The following ASIC2 variants were observed in gnomAD, a reference collection of about 807,000 sequenced individuals.
ASIC2 encodes the protein acid-sensing ion channel 2.
A neutral mutation model predicts 57.3 loss-of-function variants in ASIC2; 25 were observed. That is an observed-to-expected ratio of 0.44 (90% CI 0.32 to 0.61). The LOEUF is 0.61. Ranked by LOEUF, ASIC2 falls within the 20% of genes least tolerant of loss-of-function variation. The pLI, the probability that ASIC2 is intolerant of heterozygous loss-of-function variation, is 0.06. For missense variants in ASIC2, 641 were observed against 738.1 expected (o/e 0.87, Z 1.52); for synonymous variants, 319 against 307.5 (o/e 1.04, Z -0.39).
rs1437197654 is a variant in ASIC2 at position 33,291,490 on chromosome 17, T to C, written c.626A>G (p.Asp209Gly). The C allele has an allele frequency of 1.2e-6, 2 of 1,612,562 alleles. No individual in the cohort carries two copies. Among genetic ancestry groups the C allele is most frequent in the Non-Finnish European group, 1.7e-6 (2 of 1,179,760 alleles). The stretch of plus-strand genomic sequence containing the variant: ...GTCCTCCAGCTGGTGGCCCAGGCGG[T>C]CCATGAAGGCGGCGCTGATTCCCTC... Reference protein sequence around the residue: ...HFEGISAAFMDRLGHQLEDML... With the variant: ...HFEGISAAFMGRLGHQLEDML... The change falls in exon 1 of 10, where the codon GAC (aspartate) becomes GGC (glycine). Residue 209 changes from aspartate to glycine, a missense_variant. Coordinates refer to ENST00000225823, the MANE Select transcript of ASIC2 (RefSeq NM_183377.2).
intron 1 of ASIC2, chr17:33,932,741 A>AAAAATATATATATATATATATAT (rs1555572867): frequency 5.1e-5 from 3 of 58,706 alleles, no homozygotes; most frequent in Admixed American, 2.5e-4. Context: ...AAAAAAAAAA[A>AAAAATATATATATATATATATAT]ATATATATAT....
rs1008108867 is a variant in ASIC2, at chr17:34,065,792, G to A, written c.555+90186C>T. Among the ~76,000 whole-genome samples the A allele has an allele frequency of 2.0e-5, 3 of 152,122 alleles. No homozygotes were observed. The East Asian group carries it at 5.8e-4, about 29-fold the overall frequency. On this transcript the variant is annotated intron_variant, in intron 1 of 9. Coordinates refer to the ASIC2 transcript ENST00000359872. ...TAAAAAGTCAAGCTTAAGGACAAGA[G>A]AAGAGTAATCAAAAGGGAGAATTAT...
intron 1 of ASIC2, among the ~76,000 whole-genome samples, chr17:33,905,369 A>C (rs1397661131): frequency 6.6e-6 from 1 of 152,074 alleles, no homozygotes; most frequent in Non-Finnish European, 1.5e-5. Flanking sequence ...GACTGATCCC[A>C]CATCTCACTG....
At chr17:34,034,789 G>A (rs1390867427) in intron 1 of ASIC2, among the ~76,000 whole-genome samples, 1 of 151,974 alleles carries the variant, frequency 6.6e-6, no homozygotes, top group Non-Finnish European at 1.5e-5. Flanking sequence ...AAAATACCTA[G>A]GAATCCAACT....
intron 1 of ASIC2, among the ~76,000 whole-genome samples, chr17:33,564,925 G>A (rs1011818759): frequency 1.3e-5 from 2 of 152,260 alleles, no homozygotes; most frequent in South Asian, 2.1e-4. Flanking sequence ...CCTTTAATTC[G>A]CCCATCCCTT....
intron 1 of ASIC2, among the ~76,000 whole-genome samples, chr17:33,795,974 C>A (rs916289054): frequency 6.6e-6 from 1 of 152,196 alleles, no homozygotes; most frequent in Non-Finnish European, 1.5e-5. Flanking sequence ...TGGGAGAATT[C>A]CAGTAGATTA....
chr17:33,835,066 T>C (rs80293131), intron 1 of ASIC2, among the ~76,000 whole-genome samples: 7,001 of 152,334 alleles, frequency 0.046, 242 homozygotes, highest in Middle Eastern at 0.14. Flanking sequence ...AGGTGTGATC[T>C]GCATTCTCAT....
At chr17:33,931,106 G>A (rs1350556270) in intron 1 of ASIC2, 1 of 152,082 alleles carries the variant, frequency 6.6e-6, no homozygotes, top group African/African-American at 2.4e-5. Context: ...ATGAGCCGCA[G>A]AAAAGAACCC....
At chr17:33,199,335 T>TA (rs1488019062) in intron 1 of ASIC2, among the ~76,000 whole-genome samples, 1 of 152,196 alleles carries the variant, frequency 6.6e-6, no homozygotes, top group East Asian at 1.9e-4. Context: ...TTAGCCAACT[T>TA]GTTTAATCAT....
At chr17:33,293,686 G>T (rs1905603789), upstream of ASIC2, among the ~76,000 whole-genome samples, 1 of 152,154 alleles carries the variant, frequency 6.6e-6, no homozygotes, top group South Asian at 2.1e-4. Flanking sequence ...CGTAGGATGT[G>T]CATTGTGTAT....
chr17:33,014,168 T>A, intron 9 of ASIC2, 102 bp from the exon 10 acceptor site: 2 of 871,264 alleles, frequency 2.3e-6, no homozygotes, highest in South Asian at 1.5e-5. Context: ...TGCTCCCCAC[T>A]TGTGGGCTGC....
chr17:33,309,589 A>G (rs1567818553), intron 1 of ASIC2, among the ~76,000 whole-genome samples: 1 of 151,034 alleles, frequency 6.6e-6, no homozygotes, highest in Non-Finnish European at 1.5e-5. Context: ...CTTCACCTCC[A>G]CCTCCACTGT....
rs555693151 is a variant in ASIC2, at chr17:33,292,446, A to G, written c.-331T>C. The G allele has an allele frequency of 4.1e-6, 4 of 985,334 alleles. No homozygotes were observed. In the South Asian group the frequency reaches 1.9e-4, roughly 46 times the overall value. The allele number at this position is 985,334 out of a possible 1,614,324, so 61.0% of individuals were successfully genotyped here. ...CTACTTCTGGAGGGGTCCCACTGGG[A>G]GCCGCCTCTCCAGTCCCTGGGTGCT... On this transcript the variant is annotated 5_prime_UTR_variant, in exon 1 of 10. Transcript: ENST00000225823.
At chr17:34,055,737 C>T (rs549406761) in intron 1 of ASIC2, among the ~76,000 whole-genome samples, 16 of 152,170 alleles carry the variant, frequency 1.1e-4, no homozygotes, top group East Asian at 3.9e-4. Flanking sequence ...ATTAGTATTC[C>T]GTTGTATAAA....
chr17:33,895,261 CA>C lies in ASIC2; in HGVS notation c.555+260716del, dbSNP rs553607267. On this transcript the variant is annotated intron_variant, in intron 1 of 9. Transcript: ENST00000359872. Reference sequence around the variant, plus strand: ...TACTGCAACCTCTGCCTCCTGGGTTCAAGCAATCCTCGTGTCTCAGCCTCCT... The same window carrying C: ...TACTGCAACCTCTGCCTCCTGGGTTCAGCAATCCTCGTGTCTCAGCCTCCT... Among the ~76,000 whole-genome samples the C allele has an allele frequency of 8.6e-5, 13 of 151,622 alleles. No individual in the cohort carries two copies. In the South Asian group the frequency reaches 2.7e-3, roughly 32 times the overall value.
intron 1 of ASIC2, among the ~76,000 whole-genome samples, chr17:33,241,092 G>A (rs1443289219): frequency 6.6e-6 from 1 of 152,172 alleles, no homozygotes; most frequent in South Asian, 2.1e-4. Context: ...TGAAAGCAGC[G>A]TTCATGGTCA....
intron 1 of ASIC2, among the ~76,000 whole-genome samples, chr17:33,469,502 C>T (rs1857737): frequency 0.14 from 20,791 of 152,154 alleles, 1,545 homozygotes; most frequent in South Asian, 0.19. Flanking sequence ...AAGAGGAACA[C>T]GGAGGTACAG....
At chr17:33,468,773 C>T (rs1912945095) in intron 1 of ASIC2, among the ~76,000 whole-genome samples, 1 of 151,778 alleles carries the variant, frequency 6.6e-6, no homozygotes, top group South Asian at 2.1e-4. Context: ...TAAGGGCACA[C>T]AGCTGGTAAA....
intron 1 of ASIC2, among the ~76,000 whole-genome samples, chr17:33,191,738 C>T (rs1417781708): frequency 6.6e-6 from 1 of 152,146 alleles, no homozygotes; most frequent in Non-Finnish European, 1.5e-5. Context: ...AGGGTAGCTA[C>T]TCACAATCCG....
Sources: gnomAD v4.1 joint callset for allele counts (sites outside exome capture counted in the v4.1 genomes callset) on GRCh38, gnomAD v4.1.1 for gene constraint, MANE v1.5 for transcripts, NCBI Gene and HGNC (gene_info 2026-07-23, HGNC 2026-07-21) for gene names.